MATR3: variants seen among roughly 807,000 people sequenced by gnomAD.
The protein encoded by MATR3 is matrin-3.
Under a neutral mutation model 85.5 loss-of-function variants are expected in MATR3, and 4 were observed. The observed-to-expected ratio is 0.05, with a 90% CI of 0.02 to 0.11. The LOEUF is 0.11. MATR3 is among the 10% of genes least tolerant of loss of function. The probability of loss-of-function intolerance (pLI) is 1.00; values close to 1 mark genes in which losing one functional copy is unlikely to be tolerated. For missense variants in MATR3, 685 were observed against 1,016.1 expected, an observed-to-expected ratio of 0.67 and a Z score of 4.43; for synonymous variants, 336 against 343.1, an observed-to-expected ratio of 0.98 and a Z score of 0.23.
At chr5:139,299,116 CGTT>C (rs1754311447) in intron 1 of MATR3, among the ~76,000 whole-genome samples, 1 of 151,996 alleles carries the variant, frequency 6.6e-6, no homozygotes, top group Non-Finnish European at 1.5e-5. Flanking sequence ...TCCAAAGTCT[CGTT>C]AATGTTTTGT....
chr5:139,305,185 T>C lies in MATR3; in HGVS notation c.-177-2054T>C, dbSNP rs562234429. On this transcript the variant is annotated intron_variant, in intron 1 of 14. Coordinates refer to ENST00000394805, the MANE Select transcript of MATR3 (RefSeq NM_018834.6). The stretch of plus-strand genomic sequence containing the variant: ...ATTTACATTGTTTGTCTTGACTCTT[T>C]TCTGAGTTTTTCTGACATTCATTTT... 1.9e-4 allele frequency among the ~76,000 whole-genome samples: 29 copies of C among 152,330 alleles called. No individual in the cohort carries two copies. In the South Asian group the frequency reaches 5.2e-3, roughly 27 times the overall value.
intron 14 of MATR3, among the ~76,000 whole-genome samples, chr5:139,328,160 C>T (rs1755954833): frequency 6.6e-6 from 1 of 151,070 alleles, no homozygotes; most frequent in Non-Finnish European, 1.5e-5. Context: ...TCATGCCCGG[C>T]CTATTATTTC....
chr5:139,322,168 C>T, intron 10 of MATR3, 139 bp downstream of exon 10: 1 of 1,090,262 alleles, frequency 9.2e-7, no homozygotes, highest in Non-Finnish European at 1.3e-6. Flanking sequence ...AAGAGAACAA[C>T]CTTTTTTTCT....
chr5:139,305,688 T>G (rs534557400), intron 1 of MATR3, among the ~76,000 whole-genome samples: 4 of 152,310 alleles, frequency 2.6e-5, no homozygotes, highest in African/African-American at 9.6e-5. Flanking sequence ...TTAAGTAGTT[T>G]ACATAGTGGA....
intron 2 of MATR3, among the ~76,000 whole-genome samples, chr5:139,277,732 T>A (rs1356211374): frequency 6.6e-6 from 1 of 151,526 alleles, no homozygotes. Context: ...AACATTCAAA[T>A]TCATGGGAAA....
At chr5:139,289,043 A>C (rs1359310417), upstream of MATR3, among the ~76,000 whole-genome samples, 1 of 152,058 alleles carries the variant, frequency 6.6e-6, no homozygotes, top group African/African-American at 2.4e-5. Flanking sequence ...CAGCCTCCCA[A>C]AGTGCTAGGA....
intron 2 of MATR3, chr5:139,310,763 T>C (rs546542603): frequency 2.6e-5 from 4 of 152,128 alleles, no homozygotes; most frequent in Admixed American, 6.6e-5. Context: ...TATAGGTCAT[T>C]TTAGGTCATC....
chr5:139,301,558 G>T (rs982977304), intron 1 of MATR3, among the ~76,000 whole-genome samples: 5 of 152,070 alleles, frequency 3.3e-5, no homozygotes, highest in Non-Finnish European at 5.9e-5. Flanking sequence ...TGACCTTAAA[G>T]TGATCCTCTC....
chr5:139,299,057 C>T (rs1049573467), intron 1 of MATR3, among the ~76,000 whole-genome samples: 1 of 152,162 alleles, frequency 6.6e-6, no homozygotes, highest in Non-Finnish European at 1.5e-5. Context: ...AGTAGTCAAA[C>T]TTAAACACAA....
upstream of MATR3, chr5:139,292,071 C>G (rs965259384): frequency 6.6e-6 from 1 of 150,786 alleles, no homozygotes; most frequent in Non-Finnish European, 1.5e-5. Context: ...GTCCTCCGTA[C>G]CAGGTGAGTA....
chr5:139,315,304 ATTC>A (rs1354002335), intron 3 of MATR3: 3 of 222,762 alleles, frequency 1.3e-5, no homozygotes, highest in Non-Finnish European at 2.7e-5. Context: ...TGTTGGGGCT[ATTC>A]TTTCTTTCTA....
chr5:139,285,064 G>C (rs1366229910), intron 3 of MATR3, among the ~76,000 whole-genome samples: 1 of 152,202 alleles, frequency 6.6e-6, no homozygotes, highest in East Asian at 1.9e-4. Context: ...ACGAGAACTT[G>C]TGTGGTGCTG....
At chr5:139,299,880 C>T (rs972969166) in intron 1 of MATR3, 1 of 152,136 alleles carries the variant, frequency 6.6e-6, no homozygotes, top group African/African-American at 2.4e-5. Flanking sequence ...CTAAACGCAC[C>T]TGATTTCGTC....
intron 2 of MATR3, chr5:139,310,202 C>G (rs1754899656): frequency 1.3e-5 from 2 of 152,072 alleles, no homozygotes; most frequent in Non-Finnish European, 2.9e-5. Context: ...TTTGATGAAA[C>G]TATGGATTCA....
chr5:139,330,777 A>T lies in MATR3; in HGVS notation c.*1382A>T, dbSNP rs1302184418. On this transcript the variant is annotated 3_prime_UTR_variant, in exon 15 of 15. Coordinates refer to ENST00000394805, the MANE Select transcript of MATR3 (RefSeq NM_018834.6). The stretch of plus-strand genomic sequence containing the variant: ...ATAATTACGTAGAGACTCTTGGTAT[A>T]TTGGATTATCTGTTGTAAACAATTT... 2.2e-6 allele frequency: 1 copy of T among 453,948 alleles called. No individual in the cohort carries two copies. Among genetic ancestry groups the T allele is most frequent in the African/African-American group, 2.0e-5 (1 of 49,990 alleles). 28.1% of individuals were successfully genotyped at this position (453,948 alleles called of 1,614,324 possible).
intron 6 of MATR3, 66 bp downstream of exon 6, chr5:139,317,171 CT>C (rs1755293826): frequency 2.1e-6 from 3 of 1,454,312 alleles, no homozygotes; most frequent in Non-Finnish European, 2.9e-6. Flanking sequence ...GACCTAAATC[CT>C]TACTAGTTGA....
At chr5:139,311,649 CATTT>C (rs1176330370) in intron 2 of MATR3, 2 of 147,148 alleles carry the variant, frequency 1.4e-5, no homozygotes, top group Admixed American at 1.4e-4. Context: ...AGTAGGATAA[CATTT>C]ATTTCTCTCC....
Position 139,322,606 on chromosome 5 carries a change from C to A in MATR3, c.1787C>A (p.Ser596Tyr). 6.2e-7 allele frequency: 1 copy of A among 1,613,972 alleles called. No individual in the cohort carries two copies. Among genetic ancestry groups the A allele is most frequent in the Non-Finnish European group, 8.5e-7 (1 of 1,179,958 alleles). The change falls in exon 12 of 15, where the codon TCT (serine) becomes TAT (tyrosine). Residue 596 changes from serine (S) to tyrosine (Y), a missense_variant. Ser to Tyr is a moderately radical substitution (Grantham distance 144). Around this residue, in one of 9 missense-constraint regions of MATR3, gnomAD observed 50 missense variants for 133.4 expected, o/e 0.37. Transcript: ENST00000394805. Reference protein sequence around the residue: ...LLKKDKSRKRSYSPDGKESPS... With the variant: ...LLKKDKSRKRYYSPDGKESPS... ...TGTCCTTTTGATTTCAGAAAAAGAT[C>A]TTACTCTCCAGATGGCAAAGAATCT...
Position 139,330,558 on chromosome 5 carries a change from A to G in MATR3, c.*1163A>G. 1 of 454,106 alleles carries G rather than the reference A, an allele frequency of 2.2e-6. No individual in the cohort carries two copies. Among genetic ancestry groups the G allele is most frequent in the Non-Finnish European group, 4.4e-6 (1 of 226,798 alleles). The allele number at this position is 454,106 out of a possible 1,614,324, so 28.1% of individuals were successfully genotyped here. On this transcript the variant is annotated 3_prime_UTR_variant, in exon 15 of 15. Transcript: ENST00000394805. ...CTGCCGCTAAAGATCTGAGTTTTAA[A>G]AATGTTGTTGCTGGTGGATTTCTTG...
Sources: allele counts gnomAD v4.1 joint callset (sites outside exome capture counted in the v4.1 genomes callset), GRCh38; gene constraint gnomAD v4.1.1; regional missense constraint gnomAD v4.1.1; transcripts MANE v1.5; gene names NCBI Gene and HGNC (gene_info 2026-07-23, HGNC 2026-07-21).